Variants in CD163L1 observed in about 807,000 individuals in gnomAD.
The protein encoded by CD163L1 is scavenger receptor cysteine-rich type 1 protein M160.
A neutral mutation model predicts 165.4 loss-of-function variants in CD163L1; 124 were observed. That is an observed-to-expected ratio of 0.75 (90% CI 0.65 to 0.87). The LOEUF is 0.87. Among genes scored for constraint, CD163L1 ranks in the 40% least tolerant of loss-of-function variants. The probability of loss-of-function intolerance (pLI) is 0.00; values close to 1 mark genes in which losing one functional copy is unlikely to be tolerated. For missense variants in CD163L1, 1,525 were observed against 1,799.9 expected (o/e 0.85, Z 2.76); for synonymous variants, 585 against 662.2 (o/e 0.88, Z 1.79).
intron 9 of CD163L1, among the ~76,000 whole-genome samples, chr12:7,377,511 A>G (rs1415250048): frequency 1.3e-5 from 2 of 152,316 alleles, no homozygotes; most frequent in South Asian, 2.1e-4. Context: ...TCCCCTTAAA[A>G]TACAGCTTTT....
chr12:7,404,967 T>C (rs1464156351), intron 5 of CD163L1, among the ~76,000 whole-genome samples: 1 of 152,096 alleles, frequency 6.6e-6, no homozygotes, highest in South Asian at 2.1e-4. Context: ...GAACTGTTTT[T>C]GTTTGGGAAA....
the CD163L1 span, among the ~76,000 whole-genome samples, chr12:7,332,012 G>A: frequency 6.6e-6 from 1 of 152,042 alleles, no homozygotes; most frequent in Non-Finnish European, 1.5e-5. Context: ...TCGAACCAAT[G>A]GCAAAGAAGT....
At chr12:7,320,987 CA>C in the CD163L1 span, among the ~76,000 whole-genome samples, 1 of 152,196 alleles carries the variant, frequency 6.6e-6, no homozygotes, top group Admixed American at 6.5e-5. Flanking sequence ...AGCAGCATCT[CA>C]AGACTCTATT....
chr12:7,349,089 A>T (rs1342321805), intron 4 of CD163L1, among the ~76,000 whole-genome samples: 1 of 152,210 alleles, frequency 6.6e-6, no homozygotes. Flanking sequence ...GAAATTGTGG[A>T]GAATTCAAGC....
intron 17 of CD163L1, 120 bp downstream of exon 17, chr12:7,367,967 T>G: frequency 1.5e-6 from 1 of 673,560 alleles, no homozygotes; most frequent in Non-Finnish European, 2.7e-6. Context: ...GCCTGGCACT[T>G]TCCAATCCAT....
At chr12:7,436,262 A>G (rs1948711398) in intron 2 of CD163L1, among the ~76,000 whole-genome samples, 1 of 152,212 alleles carries the variant, frequency 6.6e-6, no homozygotes, top group Non-Finnish European at 1.5e-5. Context: ...TGTCTAATCA[A>G]ATATAACATT....
At chr12:7,416,507 G>A (rs921947688) in intron 4 of CD163L1, among the ~76,000 whole-genome samples, 3 of 152,164 alleles carry the variant, frequency 2.0e-5, no homozygotes, top group Non-Finnish European at 2.9e-5. Context: ...CCTTTGTCCT[G>A]AATGGTATTG....
intron 9 of CD163L1, among the ~76,000 whole-genome samples, chr12:7,378,291 G>C (rs1347681687): frequency 6.6e-6 from 1 of 151,996 alleles, no homozygotes; most frequent in African/African-American, 2.4e-5. Flanking sequence ...TTATTCAACA[G>C]CATGACTCCC....
chr12:7,368,710 C>A lies in CD163L1; in HGVS notation c.4072+223G>T. On this transcript the variant is annotated intron_variant, in intron 16 of 19. Transcript: ENST00000313599. This position sits in a 1 kb window ranked among gnomAD's most constrained non-coding sequence, Gnocchi z 4.3. ...CTAGAAAGATTATCTATGAGGGTACCATGAGAGTCTTATCCTTCTCTGCAT... is the reference window on the plus strand; with the variant it reads ...CTAGAAAGATTATCTATGAGGGTACAATGAGAGTCTTATCCTTCTCTGCAT... The A allele has an allele frequency of 1.9e-6, 1 of 519,490 alleles. No homozygotes were observed. The highest frequency in any genetic ancestry group is 3.1e-5 in the East Asian group (1 of 31,880). The allele number at this position is 519,490 out of a possible 1,614,324, so 32.2% of individuals were successfully genotyped here. A position where few individuals can be genotyped will look rare whatever the true frequency, so the allele number is the denominator to read the frequency against.
At chr12:7,376,322 T>G (rs1947272080) in intron 9 of CD163L1, among the ~76,000 whole-genome samples, 1 of 152,150 alleles carries the variant, frequency 6.6e-6, no homozygotes, top group African/African-American at 2.4e-5. Flanking sequence ...ACGTGAAGAT[T>G]TGTAGTCATC....
chr12:7,353,155 T>C (rs1442300257), downstream of CD163L1, among the ~76,000 whole-genome samples: 2 of 151,458 alleles, frequency 1.3e-5, no homozygotes, highest in Non-Finnish European at 3.0e-5. Context: ...AATTCTTGAG[T>C]CGTAACATGA....
At chr12:7,401,965 G>A (rs1947923403) in intron 6 of CD163L1, among the ~76,000 whole-genome samples, 1 of 151,978 alleles carries the variant, frequency 6.6e-6, no homozygotes, top group South Asian at 2.1e-4. Flanking sequence ...AGAATTGATA[G>A]TTAACTTTGT....
intron 4 of CD163L1, among the ~76,000 whole-genome samples, chr12:7,416,195 A>T (rs146468829): frequency 6.6e-6 from 1 of 152,148 alleles, no homozygotes; most frequent in African/African-American, 2.4e-5. Context: ...GCTTTTTTTC[A>T]TATGTTTGTT....
rs139340124 is a variant in CD163L1 at position 7,355,741 on chromosome 12, T to A, written c.*25-611A>T. 4.6e-3 allele frequency among the ~76,000 whole-genome samples: 705 copies of A among 152,206 alleles called. 2 individuals carry two copies. The highest frequency in any genetic ancestry group is 0.016 in the African/African-American group (660 of 41,548). On this transcript the variant is annotated intron_variant, in intron 19 of 19. Transcript: ENST00000313599. ...TGGGTGAGCCCTAATCCAGTATGAC[T>A]GGTGTCCTTACAAGAAGAAATTAGA...
In CD163L1 at chr12:7,406,943, A is replaced by G. The variant is rs570277747; in HGVS notation, c.767-91T>C. ...CTGCTATCCAAATAAACACAAATAT[A>G]TAATAAATTGAGATTCAATGAATGT... On this transcript the variant is annotated intron_variant, in intron 4 of 19. Transcript: ENST00000313599. 1.5e-5 allele frequency: 17 copies of G among 1,160,052 alleles called. 1 individual carries two copies. In the Middle Eastern group the frequency reaches 8.3e-4, roughly 57 times the overall value. 71.9% of individuals were successfully genotyped at this position (1,160,052 alleles called of 1,614,324 possible). A position where few individuals can be genotyped will look rare whatever the true frequency, so the allele number is the denominator to read the frequency against.
At chr12:7,437,295 CTTTTA>C (rs890167100) in intron 2 of CD163L1, among the ~76,000 whole-genome samples, 145 of 4,968 alleles carry the variant, frequency 0.029, no homozygotes, top group Non-Finnish European at 0.091. Flanking sequence ...AATAGTATTA[CTTTTA>C]TTTTATTAAT....
At chr12:7,330,197 A>T in the CD163L1 span, among the ~76,000 whole-genome samples, 1 of 152,202 alleles carries the variant, frequency 6.6e-6, no homozygotes, top group African/African-American at 2.4e-5. Flanking sequence ...CCCCTCTCAA[A>T]TCCTTCTAGT....
chr12:7,394,365 G>A (rs2136490556), intron 8 of CD163L1, among the ~76,000 whole-genome samples: 1 of 152,262 alleles, frequency 6.6e-6, no homozygotes. Flanking sequence ...TTTAATAAAT[G>A]GTGCTGGGAA....
chr12:7,357,520 G>C, intron 18 of CD163L1, 34 bp from the exon 19 acceptor site: 1 of 1,580,120 alleles, frequency 6.3e-7, no homozygotes, highest in Non-Finnish European at 8.7e-7. Context: ...TTATTGAATA[G>C]TAGAAAACCT....
Sources: allele counts gnomAD v4.1 joint callset (sites outside exome capture counted in the v4.1 genomes callset), GRCh38; gene constraint gnomAD v4.1.1; non-coding constraint Gnocchi (gnomAD v3.1); transcripts MANE v1.5; gene names NCBI Gene and HGNC (gene_info 2026-07-23, HGNC 2026-07-21).